PLOD1: variants seen among roughly 807,000 people sequenced by gnomAD.
PLOD1 encodes lysine hydroxylase.
Under a neutral mutation model 94.7 loss-of-function variants are expected in PLOD1, and 70 were observed. The observed-to-expected ratio is 0.74, with a 90% CI of 0.61 to 0.90. The LOEUF (loss-of-function observed/expected upper bound fraction) is 0.90. Ranked by LOEUF, PLOD1 falls within the 40% of genes least tolerant of loss-of-function variation. PLOD1 has a pLI of 0.00. For missense variants in PLOD1, 905 were observed against 972.7 expected, an observed-to-expected ratio of 0.93 and a Z score of 0.93; for synonymous variants, 417 against 400.2, an observed-to-expected ratio of 1.04 and a Z score of -0.50.
rs1324129456 is a variant in PLOD1 at position 11,966,987 on chromosome 1, C to T, written c.1651C>T (p.Pro551Ser). 12 of 1,605,122 alleles carry T rather than the reference C, an allele frequency of 7.5e-6. No individual in the cohort carries two copies. The highest frequency in any genetic ancestry group is 1.0e-5 in the Non-Finnish European group (12 of 1,171,738). ...KALAGKLVET[P>S]CPDVYWFPIF... ...TTGACTGAGTCCCTGCCCTCCCCAGCCCTGCCCGGATGTCTATTGGTTCCC... is the reference window on the plus strand; with the variant it reads ...TTGACTGAGTCCCTGCCCTCCCCAGTCCTGCCCGGATGTCTATTGGTTCCC... The change falls in exon 16 of 19, where the codon CCC (proline) becomes TCC (serine). Residue 551 changes from proline (P) to serine (S), a missense_variant and splice_region_variant. Physicochemically the swap from Pro to Ser is moderately conservative, Grantham distance 74 (BLOSUM62 -1). Coordinates refer to ENST00000196061, the MANE Select transcript of PLOD1 (RefSeq NM_000302.4).
At chr1:11,950,056 A>T (rs1645688381) in intron 3 of PLOD1, 150 bp downstream of exon 3, 5 of 880,690 alleles carry the variant, frequency 5.7e-6, no homozygotes, top group South Asian at 5.4e-5. Context: ...GGTCTTAGTA[A>T]AGCCCATTCC....
At position 11,944,451 on chromosome 1, in the gene PLOD1, A is replaced by T. The variant is rs530252527; in HGVS notation, c.77-3525A>T. The T allele has an allele frequency of 1.3e-3, 1,201 of 958,746 alleles. 7 individuals carry two copies. The African/African-American group carries it at 0.019, about 15-fold the overall frequency. The allele number at this position is 958,746 out of a possible 1,614,324, so 59.4% of individuals were successfully genotyped here. On this transcript the variant is annotated intron_variant, in intron 1 of 18. Transcript: ENST00000196061. Reference sequence around the variant, plus strand: ...CACACACACACACACACACACACACACACTCACTCACATGCTCTCACGCTG... The same window carrying T: ...CACACACACACACACACACACACACTCACTCACTCACATGCTCTCACGCTG...
intron 1 of PLOD1, among the ~76,000 whole-genome samples, chr1:11,945,747 C>T: frequency 6.6e-6 from 1 of 152,104 alleles, no homozygotes; most frequent in Non-Finnish European, 1.5e-5. Context: ...CTTGCTCTGT[C>T]ACCCAGGCTG....
At chr1:11,962,308 G>T (rs566080095) in intron 10 of PLOD1, among the ~76,000 whole-genome samples, 2 of 117,486 alleles carry the variant, frequency 1.7e-5, no homozygotes, top group African/African-American at 6.7e-5. Flanking sequence ...ATGGAGTCTC[G>T]CTCTGTCACC....
Position 11,959,849 on chromosome 1 carries a change from C to T in PLOD1, c.976-797C>T, listed in dbSNP as rs574767948. The stretch of plus-strand genomic sequence containing the variant: ...GCCAGGATGGTCTCGATCTCCTGAC[C>T]TCGTGATCTGCCTGCCTCCGCCTGC... On this transcript the variant is annotated intron_variant, in intron 9 of 18. Coordinates refer to ENST00000196061, the MANE Select transcript of PLOD1 (RefSeq NM_000302.4). Among the ~76,000 whole-genome samples, 75 of 151,546 alleles carry T rather than the reference C, an allele frequency of 4.9e-4. 2 individuals carry two copies. The highest frequency in any genetic ancestry group is 1.5e-4 in the Non-Finnish European group (10 of 67,950).
At chr1:11,953,235 T>C (rs1331107778) in intron 5 of PLOD1, among the ~76,000 whole-genome samples, 1 of 151,826 alleles carries the variant, frequency 6.6e-6, no homozygotes, top group Non-Finnish European at 1.5e-5. Context: ...TTTGTATTTT[T>C]AGTAGAGACA....
At chr1:11,941,636 T>A (rs776823513) in intron 1 of PLOD1, among the ~76,000 whole-genome samples, 26 of 152,160 alleles carry the variant, frequency 1.7e-4, no homozygotes, top group Admixed American at 2.6e-4. Context: ...CCTGCCACCA[T>A]GCCCAGCTAA....
chr1:11,968,548 G>A (rs1645838309), intron 16 of PLOD1, among the ~76,000 whole-genome samples: 1 of 143,780 alleles, frequency 7.0e-6, no homozygotes, highest in African/African-American at 2.6e-5. Context: ...GAGTCTCGCT[G>A]TGTCGCCCAG....
intron 18 of PLOD1, among the ~76,000 whole-genome samples, 170 bp downstream of exon 18, chr1:11,973,167 C>A (rs1035363306): frequency 3.9e-5 from 6 of 152,088 alleles, no homozygotes; most frequent in Admixed American, 2.0e-4. Flanking sequence ...GGTTCACAGT[C>A]TAGCAGGAGG....
At chr1:11,946,466 G>C (rs1645655284) in intron 1 of PLOD1, among the ~76,000 whole-genome samples, 1 of 152,198 alleles carries the variant, frequency 6.6e-6, no homozygotes, top group African/African-American at 2.4e-5. Context: ...TTGGTTCTAA[G>C]AGCCTCAAGC....
At chr1:11,964,112 G>C in intron 11 of PLOD1, 63 bp from the exon 12 acceptor site, 1 of 1,557,038 alleles carries the variant, frequency 6.4e-7, no homozygotes, top group South Asian at 1.1e-5. Context: ...CCCATCCCTG[G>C]TTAGTGCTGT....
rs140741046 is a variant in PLOD1, at chr1:11,974,805, C to T, written c.2181C>T (p.Pro727=). 1.6e-5 allele frequency: 26 copies of T among 1,614,022 alleles called. 1 individual carries two copies. In the East Asian group the frequency reaches 2.2e-4, roughly 14 times the overall value. Residue 727 remains proline (P), a synonymous_variant, in exon 19 of 19, where the codon CCC becomes CCT. Transcript: ENST00000196061. ...ACATCGCAGTCTCCTTCGTCGATCC[C>T]TAATTGGCCAGGCCTGACCCTCTTG... ...TRYIAVSFVD[P] is the part of the protein sequence containing the mutation.
At chr1:11,951,922 A>T (rs562611525) in intron 4 of PLOD1, among the ~76,000 whole-genome samples, 31 of 132,164 alleles carry the variant, frequency 2.3e-4, no homozygotes, top group African/African-American at 9.0e-4. Flanking sequence ...TTGTCTTAAA[A>T]ATAAATAAAT....
rs200813379 is a variant in PLOD1, at chr1:11,954,039, A to AT, written c.580-784dup. 9.9e-3 allele frequency among the ~76,000 whole-genome samples: 1,493 copies of AT among 151,014 alleles called. 12 individuals carry two copies. The highest frequency in any genetic ancestry group is 0.018 in the South Asian group (84 of 4,750). ...GTCACCATGTCTGGCTAATTTTAAG[A>AT]TTTTTTTATAGAGATGAAGTTTTGC... On this transcript the variant is annotated intron_variant, in intron 5 of 18. Transcript: ENST00000196061.
At chr1:11,949,221 A>G (rs1645678935) in intron 2 of PLOD1, among the ~76,000 whole-genome samples, 1 of 152,076 alleles carries the variant, frequency 6.6e-6, no homozygotes, top group African/African-American at 2.4e-5. Flanking sequence ...GAACAGTCCC[A>G]GGGAAGGCGC....
In PLOD1 at chr1:11,973,028, C is replaced by T. The variant is rs530348812; in HGVS notation, c.2028+31C>T. On this transcript the variant is annotated intron_variant, in intron 18 of 18. Transcript: ENST00000196061. ...CAGGAGCCAGCCGGGGTCAAGGGGCCGGCAATGGGGATGAGGAGGGCTAGC... is the reference window on the plus strand; with the variant it reads ...CAGGAGCCAGCCGGGGTCAAGGGGCTGGCAATGGGGATGAGGAGGGCTAGC... 1.9e-5 allele frequency: 31 copies of T among 1,612,818 alleles called. No homozygotes were observed. The Admixed American group carries it at 2.3e-4, about 12-fold the overall frequency.
At chr1:11,952,525 G>T in intron 4 of PLOD1, 98 bp from the exon 5 acceptor site, 1 of 844,928 alleles carries the variant, frequency 1.2e-6, no homozygotes. Flanking sequence ...GTGGGCATAT[G>T]AGTGGAGGTG....
chr1:11,958,758 A>C lies in PLOD1; in HGVS notation c.975+111A>C, dbSNP rs1645757747. ...TCACCGAATCTAGCTTATCTGGGCCAAATGACAATCACCAGTGGACTGTGT... is the reference window on the plus strand; with the variant it reads ...TCACCGAATCTAGCTTATCTGGGCCCAATGACAATCACCAGTGGACTGTGT... On this transcript the variant is annotated intron_variant, in intron 9 of 18. Coordinates refer to ENST00000196061, the MANE Select transcript of PLOD1 (RefSeq NM_000302.4). This position sits in a 1 kb window ranked among gnomAD's most constrained non-coding sequence, Gnocchi z 4.3. 1 of 1,279,280 alleles carries C rather than the reference A, an allele frequency of 7.8e-7. No individual in the cohort carries two copies. The highest frequency in any genetic ancestry group is 1.9e-5 in the Admixed American group (1 of 53,514). 79.2% of individuals were successfully genotyped at this position (1,279,280 alleles called of 1,614,324 possible). A position where few individuals can be genotyped will look rare whatever the true frequency, so the allele number is the denominator to read the frequency against.
chr1:11,956,447 C>T (rs972652435), intron 6 of PLOD1, among the ~76,000 whole-genome samples: 1 of 152,146 alleles, frequency 6.6e-6, no homozygotes, highest in South Asian at 2.1e-4. Flanking sequence ...TGCAGGGGCT[C>T]CCTCCACTGG....
Sources: allele counts gnomAD v4.1 joint callset (sites outside exome capture counted in the v4.1 genomes callset), GRCh38; gene constraint gnomAD v4.1.1; non-coding constraint Gnocchi (gnomAD v3.1); transcripts MANE v1.5; gene names NCBI Gene and HGNC (gene_info 2026-07-23, HGNC 2026-07-21).